Variants in NF1 observed in about 807,000 individuals in gnomAD.
NF1 encodes the protein neurofibromin 1, also known as neurofibromin.
Under a neutral mutation model 325.7 loss-of-function variants are expected in NF1, and 122 were observed. The ratio of observed to expected loss-of-function variants is 0.37; its 90% CI spans 0.32 to 0.44. NF1 has a LOEUF of 0.44. Ranked by LOEUF, NF1 falls within the 20% of genes least tolerant of loss-of-function variation. NF1 has a pLI of 1.00. For synonymous variants in NF1, 1,091 were observed against 1,186.0 expected (o/e 0.92, Z 1.65); for missense variants, 2,140 against 3,415.4 (o/e 0.63, Z 9.31).
chr17:31,103,534 C>T lies in NF1; in HGVS notation c.60+8165C>T, dbSNP rs138968830. On this transcript the variant is annotated intron_variant, in intron 1 of 57. Transcript: ENST00000358273. ...TGCTGGGATCACAGGCTTGAACCAC[C>T]GTGCCTGGCCCTATTTTTGTATTTT... is the stretch of plus-strand genomic sequence containing the variant. Among the ~76,000 whole-genome samples, 657 of 152,062 alleles carry T rather than the reference C, an allele frequency of 4.3e-3. 4 individuals are homozygous for T. The highest frequency in any genetic ancestry group is 0.019 in the East Asian group (98 of 5,168).
intron 1 of NF1, among the ~76,000 whole-genome samples, chr17:31,149,599 A>G (rs1166820385): frequency 2.0e-5 from 3 of 152,212 alleles, no homozygotes; most frequent in African/African-American, 7.2e-5. Flanking sequence ...GTGTAATGAT[A>G]AGGAATTTAT....
intron 17 of NF1, among the ~76,000 whole-genome samples, chr17:31,225,964 T>C (rs2067005018): frequency 6.6e-6 from 1 of 152,176 alleles, no homozygotes; most frequent in Admixed American, 6.5e-5. Context: ...TTAGTTCTTG[T>C]TTATGCCCTT....
At chr17:31,254,128 C>G (rs902376803) in intron 31 of NF1, 11 of 149,030 alleles carry the variant, frequency 7.4e-5, no homozygotes, top group African/African-American at 2.7e-4. Flanking sequence ...TTTAATTAGC[C>G]AGGCGTGGTG....
chr17:31,258,452 G>C lies in NF1; in HGVS notation c.4282G>C (p.Asp1428His), dbSNP rs2151462089. 1.2e-6 allele frequency: 2 copies of C among 1,613,846 alleles called. No individual in the cohort carries two copies. The highest frequency in any genetic ancestry group is 1.7e-6 in the Non-Finnish European group (2 of 1,179,884). ...CTCACCGTATGAAGCAGGGATTTTA[G>C]ATAAAAAGCCACCACCTAGAATCGA... ...IVSPYEAGIL[D>H]KKPPPRIERG... Residue 1428 changes from aspartate (D) to histidine (H), a missense_variant, in exon 32 of 58, where the codon GAT (aspartate) becomes CAT (histidine). Asp to His is a moderately conservative substitution (Grantham distance 81, BLOSUM62 -1). Transcript: ENST00000358273.
intron 43 of NF1, 74 bp from the exon 44 acceptor site, chr17:31,337,745 T>G: frequency 6.6e-7 from 1 of 1,517,840 alleles, no homozygotes; most frequent in Non-Finnish European, 9.1e-7. Flanking sequence ...CTTAATGACA[T>G]CATAATAAAC....
intron 20 of NF1, among the ~76,000 whole-genome samples, chr17:31,227,810 A>G (rs1419063369): frequency 6.6e-6 from 1 of 152,236 alleles, no homozygotes; most frequent in African/African-American, 2.4e-5. Context: ...TTTTAACATA[A>G]TTAAAATTAA....
intron 36 of NF1, among the ~76,000 whole-genome samples, chr17:31,285,943 T>C (rs1377926681): frequency 1.3e-5 from 2 of 152,166 alleles, no homozygotes; most frequent in Non-Finnish European, 2.9e-5. Flanking sequence ...CCTGACTACT[T>C]TGAAGAAATA....
At chr17:31,317,321 C>T (rs1308776572) in intron 36 of NF1, among the ~76,000 whole-genome samples, 4 of 150,728 alleles carry the variant, frequency 2.7e-5, no homozygotes, top group Non-Finnish European at 5.9e-5. Context: ...AAGCCAGTTT[C>T]TTTAAAGGTT....
chr17:31,181,995 G>C (rs1045982059), intron 7 of NF1, among the ~76,000 whole-genome samples: 1 of 152,164 alleles, frequency 6.6e-6, no homozygotes, highest in African/African-American at 2.4e-5. Context: ...AAACAAAGTA[G>C]TTTGAAATGA....
chr17:31,219,684 C>G (rs900106308), intron 14 of NF1, among the ~76,000 whole-genome samples: 4 of 146,254 alleles, frequency 2.7e-5, no homozygotes, highest in Non-Finnish European at 4.5e-5. Flanking sequence ...TAGCTACTCT[C>G]TAATCCATAA....
chr17:31,356,693 C>T (rs1028876484), intron 52 of NF1, 111 bp downstream of exon 52: 28 of 1,458,482 alleles, frequency 1.9e-5, no homozygotes, highest in Admixed American at 1.3e-4. Context: ...AATATAGAAA[C>T]GTTTGCCATT....
intron 1 of NF1, among the ~76,000 whole-genome samples, chr17:31,143,773 T>G (rs1201641106): frequency 2.0e-5 from 3 of 152,192 alleles, no homozygotes; most frequent in Admixed American, 2.0e-4. Flanking sequence ...TAACAGTATA[T>G]TTCAGTACTT....
chr17:31,243,426 A>T (rs903963114), intron 29 of NF1, among the ~76,000 whole-genome samples: 13 of 151,764 alleles, frequency 8.6e-5, no homozygotes, highest in African/African-American at 2.9e-4. Context: ...GGGTCCAGAG[A>T]TGCCATTCAG....
rs17878848 is a variant in NF1 at position 31,104,780 on chromosome 17, A to G, written c.60+9411A>G. Among the ~76,000 whole-genome samples, 1,335 of 152,362 alleles carry G rather than the reference A, an allele frequency of 8.8e-3. 9 individuals carry two copies. Among genetic ancestry groups the G allele is most frequent in the Non-Finnish European group, 0.013 (879 of 68,030 alleles). ...TGTTTAATGCTATAGGATATAAACT[A>G]TAACTGCTGTTTATAGTACCCTCGC... is the stretch of plus-strand genomic sequence containing the variant. On this transcript the variant is annotated intron_variant, in intron 1 of 57. Transcript: ENST00000358273.
intron 12 of NF1, among the ~76,000 whole-genome samples, chr17:31,211,394 A>G (rs1316683721): frequency 6.6e-6 from 1 of 152,246 alleles, no homozygotes; most frequent in Non-Finnish European, 1.5e-5. Context: ...TACATTTCAT[A>G]TTAGGCAACC....
intron 11 of NF1, among the ~76,000 whole-genome samples, chr17:31,205,642 A>G (rs1188985230): frequency 6.6e-6 from 1 of 152,180 alleles, no homozygotes; most frequent in Non-Finnish European, 1.5e-5. Flanking sequence ...GTCTTTGTTT[A>G]TGGTAATTGT....
At chr17:31,202,758 G>T (rs2066552582) in intron 11 of NF1, among the ~76,000 whole-genome samples, 1 of 152,176 alleles carries the variant, frequency 6.6e-6, no homozygotes, top group South Asian at 2.1e-4. Flanking sequence ...AAAAGGGAAA[G>T]TTTAATGAAG....
At chr17:31,241,422 T>G (rs917042672) in intron 29 of NF1, among the ~76,000 whole-genome samples, 1 of 152,218 alleles carries the variant, frequency 6.6e-6, no homozygotes, top group African/African-American at 2.4e-5. Flanking sequence ...CTTCTCTTCC[T>G]CCTTTTCTTC....
intron 17 of NF1, among the ~76,000 whole-genome samples, 159 bp from the exon 18 acceptor site, chr17:31,226,276 A>G (rs1456713121): frequency 6.7e-6 from 1 of 149,900 alleles, no homozygotes; most frequent in Non-Finnish European, 1.5e-5. Flanking sequence ...AAATTCCTAT[A>G]ATGATTAAAG....
Sources: allele counts gnomAD v4.1 joint callset (sites outside exome capture counted in the v4.1 genomes callset), GRCh38; gene constraint gnomAD v4.1.1; transcripts MANE v1.5; gene names NCBI Gene and HGNC (gene_info 2026-07-23, HGNC 2026-07-21).